Variants in DYNC2I1 observed in about 807,000 individuals in gnomAD.
The protein encoded by DYNC2I1 is cytoplasmic dynein 2 intermediate chain 1.
DYNC2I1 carries 89 observed loss-of-function variants against 133.4 expected under a neutral mutation model. The observed-to-expected ratio is 0.67, with a 90% CI of 0.56 to 0.80. The LOEUF is 0.80. DYNC2I1 is among the 30% of genes least tolerant of loss of function. The pLI is 0.00. For missense variants in DYNC2I1, 1,291 were observed against 1,314.5 expected (o/e 0.98, Z 0.28); for synonymous variants, 504 against 484.3 (o/e 1.04, Z -0.54).
At chr7:158,876,760 T>A (rs1843395826) in intron 4 of DYNC2I1, 69 bp downstream of exon 4, 1 of 1,470,472 alleles carries the variant, frequency 6.8e-7, no homozygotes, top group African/African-American at 1.4e-5. Context: ...TAAGCATTAT[T>A]GTTGGAAGCA....
At chr7:158,936,877 C>G (rs1456562844) in intron 23 of DYNC2I1, among the ~76,000 whole-genome samples, 1 of 152,186 alleles carries the variant, frequency 6.6e-6, no homozygotes, top group East Asian at 1.9e-4. Flanking sequence ...AAGGAGGCAG[C>G]AACCTAGCAG....
chr7:158,881,222 C>T (rs189784899), intron 5 of DYNC2I1, among the ~76,000 whole-genome samples: 8 of 152,316 alleles, frequency 5.3e-5, no homozygotes, highest in Non-Finnish European at 1.5e-5. Context: ...TGCCCTGGGG[C>T]CTTTCCTCAC....
Position 158,932,393 on chromosome 7 carries a change from C to T in DYNC2I1, c.2547-1736C>T, listed in dbSNP as rs893740398. Among the ~76,000 whole-genome samples, 4 of 152,238 alleles carry T rather than the reference C, an allele frequency of 2.6e-5. 1 individual carries two copies. Among genetic ancestry groups the T allele is most frequent in the Admixed American group, 6.5e-5 (1 of 15,300 alleles). ...CAGAACCTGGGGGTGCCCAGAGGCA[C>T]ATTTGGAGCTGTCAGTGGGTCCGAT... On this transcript the variant is annotated intron_variant, in intron 21 of 24. Transcript: ENST00000407559.
rs531626842 is a variant in DYNC2I1, at chr7:158,891,137, C to T, written c.991-128C>T. ...GACCTGCATCCCAGAGCGTTAGTTT[C>T]GTAGTCTGTGCACCTGTTTGCTGAG... On this transcript the variant is annotated intron_variant, in intron 7 of 24. Transcript: ENST00000407559. 7.0e-5 allele frequency: 68 copies of T among 966,748 alleles called. 1 individual carries two copies. In the Admixed American group the frequency reaches 9.0e-4, roughly 13 times the overall value. 59.9% of individuals were successfully genotyped at this position (966,748 alleles called of 1,614,324 possible).
At chr7:158,902,616 A>G in intron 10 of DYNC2I1, 21 bp downstream of exon 10, 1 of 1,607,868 alleles carries the variant, frequency 6.2e-7, no homozygotes, top group Non-Finnish European at 8.5e-7. Context: ...CAATGCTACT[A>G]ATGGTGTCCG....
chr7:158,924,902 C>T (rs2129486840), intron 17 of DYNC2I1, among the ~76,000 whole-genome samples: 1 of 152,180 alleles, frequency 6.6e-6, no homozygotes, highest in South Asian at 2.1e-4. Context: ...TTACAGGTGC[C>T]CACCACCAGT....
chr7:158,904,415 C>T (rs566326022), intron 10 of DYNC2I1: 12 of 152,224 alleles, frequency 7.9e-5, no homozygotes, highest in African/African-American at 1.9e-4. Flanking sequence ...AGTAAGAAAC[C>T]GTTTGGTAAA....
chr7:158,878,526 T>G (rs2129478435), intron 4 of DYNC2I1, among the ~76,000 whole-genome samples: 1 of 119,354 alleles, frequency 8.4e-6, no homozygotes, highest in East Asian at 2.9e-4. Flanking sequence ...CCGGGCGCCA[T>G]GTGGGGATGC....
At chr7:158,889,214 G>T (rs989322335) in intron 7 of DYNC2I1, among the ~76,000 whole-genome samples, 6 of 151,836 alleles carry the variant, frequency 4.0e-5, no homozygotes, top group African/African-American at 1.5e-4. Flanking sequence ...CTGAGTAGCT[G>T]GGACTACAGG....
intron 1 of DYNC2I1, 65 bp downstream of exon 1, chr7:158,856,815 A>G: frequency 8.1e-7 from 1 of 1,227,292 alleles, no homozygotes; most frequent in Non-Finnish European, 1.0e-6. Flanking sequence ...GGGCGCCGCT[A>G]GCAGCGCCGC....
chr7:158,915,855 TAAG>T (rs1848158759), intron 14 of DYNC2I1, among the ~76,000 whole-genome samples: 1 of 149,428 alleles, frequency 6.7e-6, no homozygotes. Flanking sequence ...TGGTTGACAT[TAAG>T]GATGATTGTG....
chr7:158,881,976 C>T (rs543421104), intron 5 of DYNC2I1, among the ~76,000 whole-genome samples: 22 of 152,306 alleles, frequency 1.4e-4, no homozygotes, highest in African/African-American at 5.3e-4. Context: ...GTTACATGTG[C>T]TTAGTTCCAC....
At chr7:158,934,066 AC>A (rs1850498320) in intron 21 of DYNC2I1, 62 bp from the exon 22 acceptor site, 9 of 1,151,934 alleles carry the variant, frequency 7.8e-6, no homozygotes, top group African/African-American at 3.1e-5. Context: ...CAGTGTTAAT[AC>A]CATCATTATT....
chr7:158,858,034 G>T (rs1283511078), intron 1 of DYNC2I1, among the ~76,000 whole-genome samples: 3 of 151,896 alleles, frequency 2.0e-5, no homozygotes, highest in East Asian at 3.9e-4. Flanking sequence ...CCGGTGATCC[G>T]CCCGCCTTGG....
At chr7:158,885,704 C>T (rs574379790) in intron 6 of DYNC2I1, among the ~76,000 whole-genome samples, 17 of 152,104 alleles carry the variant, frequency 1.1e-4, no homozygotes, top group Non-Finnish European at 2.1e-4. Flanking sequence ...ATTTTGTAAT[C>T]GTTTTTCAAA....
intron 4 of DYNC2I1, 39 bp from the exon 5 acceptor site, chr7:158,879,645 G>A (rs1176825955): frequency 6.5e-7 from 1 of 1,528,180 alleles, no homozygotes; most frequent in African/African-American, 1.4e-5. Context: ...ACTCCTATTT[G>A]ATGTGCTCCT....
At chr7:158,930,239 A>G (rs1156899297) in intron 20 of DYNC2I1, among the ~76,000 whole-genome samples, 1 of 152,180 alleles carries the variant, frequency 6.6e-6, no homozygotes. Context: ...CTTTCTTCCC[A>G]TAAGACTTTG....
chr7:158,861,011 G>C (rs548342292), intron 1 of DYNC2I1, among the ~76,000 whole-genome samples: 7 of 152,208 alleles, frequency 4.6e-5, no homozygotes, highest in Admixed American at 1.3e-4. Context: ...GATTCTTGAC[G>C]AAAGTTTAAC....
At chr7:158,923,914 A>G (rs1158981679) in intron 17 of DYNC2I1, among the ~76,000 whole-genome samples, 181 bp downstream of exon 17, 3 of 152,280 alleles carry the variant, frequency 2.0e-5, no homozygotes, top group Admixed American at 6.5e-5. Context: ...AATCATGATT[A>G]TCCAGTGACC....
Sources: allele counts gnomAD v4.1 joint callset (sites outside exome capture counted in the v4.1 genomes callset), GRCh38; gene constraint gnomAD v4.1.1; transcripts MANE v1.5; gene names NCBI Gene and HGNC (gene_info 2026-07-23, HGNC 2026-07-21).